The following MAPK8 variants were observed in gnomAD, a reference collection of about 807,000 sequenced individuals.
The protein encoded by MAPK8 is JUN N-terminal kinase.
MAPK8 carries 13 observed loss-of-function variants against 52.9 expected under a neutral mutation model. The observed-to-expected ratio is 0.25, with a 90% CI of 0.16 to 0.39. MAPK8 has a LOEUF of 0.39. Among genes scored for constraint, MAPK8 ranks in the 10% least tolerant of loss-of-function variants. The pLI is 1.00. For missense variants in MAPK8, 300 were observed against 519.2 expected, an observed-to-expected ratio of 0.58 and a Z score of 4.10; for synonymous variants, 191 against 169.8, an observed-to-expected ratio of 1.12 and a Z score of -0.97.
intron 7 of MAPK8, 54 bp from the exon 8 acceptor site, chr10:48,425,834 A>AATAAATT (rs771642181): frequency 9.1e-6 from 9 of 984,216 alleles, no homozygotes; most frequent in South Asian, 2.0e-5. Context: ...TATGAATATG[A>AATAAATT]CTAATGTATT....
intron 1 of MAPK8, among the ~76,000 whole-genome samples, chr10:48,367,032 A>G (rs913377505): frequency 5.9e-5 from 9 of 152,220 alleles, no homozygotes; most frequent in African/African-American, 1.9e-4. Context: ...GGAAAATTTA[A>G]TATTGATTGA....
At chr10:48,432,779 C>G (rs568924009) in intron 11 of MAPK8, among the ~76,000 whole-genome samples, 1 of 152,316 alleles carries the variant, frequency 6.6e-6, no homozygotes, top group South Asian at 2.1e-4. Context: ...TAGTCCAGCA[C>G]TTGCTTATGA....
At chr10:48,422,274 C>G (rs1048882135) in intron 6 of MAPK8, among the ~76,000 whole-genome samples, 6 of 152,082 alleles carry the variant, frequency 3.9e-5, no homozygotes, top group African/African-American at 1.2e-4. Flanking sequence ...TTAGGTGATC[C>G]ACCTGCCTCA....
intron 5 of MAPK8, among the ~76,000 whole-genome samples, chr10:48,412,739 G>GTC (rs1359153157): frequency 5.3e-5 from 8 of 152,174 alleles, no homozygotes; most frequent in African/African-American, 1.9e-4. Flanking sequence ...CCAAAGACTA[G>GTC]TTAAAATGCT....
intron 7 of MAPK8, among the ~76,000 whole-genome samples, 187 bp downstream of exon 7, chr10:48,424,346 A>T (rs1448696055): frequency 6.6e-6 from 1 of 152,158 alleles, no homozygotes; most frequent in Non-Finnish European, 1.5e-5. Context: ...TGGCAGTAGG[A>T]CATACAGTCT....
intron 1 of MAPK8, among the ~76,000 whole-genome samples, chr10:48,321,195 A>G (rs957456168): frequency 2.7e-5 from 4 of 148,844 alleles, no homozygotes; most frequent in Non-Finnish European, 4.4e-5. Flanking sequence ...ACTCTTGTAC[A>G]CAAATGATCC....
chr10:48,384,109 A>G (rs1468123353), intron 1 of MAPK8, among the ~76,000 whole-genome samples: 1 of 152,134 alleles, frequency 6.6e-6, no homozygotes, highest in East Asian at 1.9e-4. Context: ...AAAATTAGCC[A>G]GGTGTGGTAG....
intron 1 of MAPK8, among the ~76,000 whole-genome samples, chr10:48,337,962 C>T (rs935617726): frequency 3.3e-5 from 5 of 152,090 alleles, no homozygotes; most frequent in African/African-American, 1.2e-4. Flanking sequence ...ATAAAATCTA[C>T]CAACCACAAA....
chr10:48,379,938 T>TAAA (rs373050540), intron 1 of MAPK8, among the ~76,000 whole-genome samples: 3,379 of 115,684 alleles, frequency 0.029, 163 homozygotes, highest in African/African-American at 0.099. Flanking sequence ...ACAAAGCTCT[T>TAAA]AAAAAAAAAA....
In MAPK8 at chr10:48,435,140, A is replaced by G; in HGVS notation, c.*111A>G. 2.4e-6 allele frequency: 2 copies of G among 846,890 alleles called. No individual in the cohort carries two copies. The highest frequency in any genetic ancestry group is 1.7e-6 in the Non-Finnish European group (1 of 576,346). 52.5% of individuals were successfully genotyped at this position (846,890 alleles called of 1,614,324 possible). On this transcript the variant is annotated 3_prime_UTR_variant, in exon 12 of 12. Coordinates refer to ENST00000374189, the MANE Select transcript of MAPK8 (RefSeq NM_001323329.2). ...TTTTGGGTGATTTTTCAAAAAATGT[A>G]GAATTCATTTTGTAGTAAAGTAGTT...
intron 1 of MAPK8, among the ~76,000 whole-genome samples, chr10:48,348,282 T>C (rs1845979945): frequency 6.6e-6 from 1 of 152,258 alleles, no homozygotes; most frequent in South Asian, 2.1e-4. Context: ...AGATTCTGGA[T>C]ATTAGCCCTT....
intron 3 of MAPK8, 27 bp downstream of exon 3, chr10:48,405,008 G>A: frequency 6.6e-7 from 1 of 1,515,568 alleles, no homozygotes; most frequent in Non-Finnish European, 9.0e-7. Flanking sequence ...GGTTTCCTAA[G>A]TATAGATGAA....
chr10:48,435,478 G>T lies in MAPK8; in HGVS notation c.*449G>T, dbSNP rs945415106. 2.0e-5 allele frequency: 3 copies of T among 152,544 alleles called. No individual in the cohort carries two copies. Among genetic ancestry groups the T allele is most frequent in the African/African-American group, 7.2e-5 (3 of 41,384 alleles). 9.4% of individuals were successfully genotyped at this position (152,544 alleles called of 1,614,324 possible). On this transcript the variant is annotated 3_prime_UTR_variant, in exon 12 of 12. Coordinates refer to ENST00000374189, the MANE Select transcript of MAPK8 (RefSeq NM_001323329.2). ...TTTGTTCATGATACTATCCTTCAGG[G>T]TTATGTGCTTATCAATGAAATAACC...
intron 1 of MAPK8, among the ~76,000 whole-genome samples, chr10:48,401,164 C>G (rs2042140282): frequency 6.6e-6 from 1 of 152,152 alleles, no homozygotes; most frequent in Non-Finnish European, 1.5e-5. Context: ...GTTGTTCCCT[C>G]CACTTGGCAC....
At chr10:48,378,129 T>A (rs980936874) in intron 1 of MAPK8, among the ~76,000 whole-genome samples, 1 of 152,190 alleles carries the variant, frequency 6.6e-6, no homozygotes, top group Non-Finnish European at 1.5e-5. Flanking sequence ...TCAAAAATCT[T>A]TCTTCTCGAA....
Position 48,435,304 on chromosome 10 carries a change from G to A in MAPK8, c.*275G>A, listed in dbSNP as rs1385053090. On this transcript the variant is annotated 3_prime_UTR_variant, in exon 12 of 12. Coordinates refer to ENST00000374189, the MANE Select transcript of MAPK8 (RefSeq NM_001323329.2). ...TATTTTATCATGGTTTAAATTTTTT[G>A]CATATTTGCTTTATCTTATGCTGCT... 5 of 314,718 alleles carry A rather than the reference G, an allele frequency of 1.6e-5. No individual in the cohort carries two copies. The East Asian group carries it at 2.1e-4, about 13-fold the overall frequency. 19.5% of individuals were successfully genotyped at this position (314,718 alleles called of 1,614,324 possible).
rs542798646 is a variant in MAPK8, at chr10:48,437,619, G to A, written c.*2590G>A. The A allele has an allele frequency of 1.4e-4, 22 of 152,214 alleles. No homozygotes were observed. The highest frequency in any genetic ancestry group is 2.6e-4 in the Non-Finnish European group (18 of 68,000). 9.4% of individuals were successfully genotyped at this position (152,214 alleles called of 1,614,324 possible). Reference sequence around the variant, plus strand: ...ATTTGTAAAACCATTGTGTTGTTGGGATCACTTAGTTATACTATACGCAGA... The same window carrying A: ...ATTTGTAAAACCATTGTGTTGTTGGAATCACTTAGTTATACTATACGCAGA... On this transcript the variant is annotated 3_prime_UTR_variant, in exon 12 of 12. Transcript: ENST00000374189.
intron 1 of MAPK8, among the ~76,000 whole-genome samples, chr10:48,374,469 G>A (rs1476907665): frequency 6.6e-6 from 1 of 151,948 alleles, no homozygotes; most frequent in Non-Finnish European, 1.5e-5. Flanking sequence ...TTTTTGAAAA[G>A]ATCAACAAAA....
intron 1 of MAPK8, among the ~76,000 whole-genome samples, chr10:48,342,431 T>A (rs894743623): frequency 2.0e-4 from 31 of 152,240 alleles, no homozygotes; most frequent in Non-Finnish European, 3.1e-4. Context: ...TAAAAAAAAA[T>A]TTTACAATAA....
Sources: allele counts gnomAD v4.1 joint callset (sites outside exome capture counted in the v4.1 genomes callset), GRCh38; gene constraint gnomAD v4.1.1; transcripts MANE v1.5; gene names NCBI Gene and HGNC (gene_info 2026-07-23, HGNC 2026-07-21).